Variants in UNC13D observed in about 807,000 individuals in gnomAD.
UNC13D encodes unc-13 homolog D.
UNC13D carries 115 observed loss-of-function variants against 151.7 expected under a neutral mutation model. The observed-to-expected ratio is 0.76, with a 90% CI of 0.65 to 0.88. The LOEUF is 0.88. Among genes scored for constraint, UNC13D ranks in the 40% least tolerant of loss-of-function variants. The pLI is 0.00. For synonymous variants in UNC13D, 588 were observed against 612.2 expected (o/e 0.96, Z 0.58); for missense variants, 1,369 against 1,438.7 (o/e 0.95, Z 0.78).
intron 29 of UNC13D, 81 bp downstream of exon 29, chr17:75,830,281 G>A: frequency 1.3e-6 from 2 of 1,564,328 alleles, no homozygotes; most frequent in Non-Finnish European, 1.7e-6. Flanking sequence ...CTCCTGCAGG[G>A]TGAGCGAAGC....
intron 12 of UNC13D, 88 bp from the exon 13 acceptor site, chr17:75,837,006 C>CCAGGGCCCCTGGTGGAGAA: frequency 8.3e-7 from 1 of 1,211,602 alleles, no homozygotes; most frequent in Non-Finnish European, 1.2e-6. Flanking sequence ...GGAATCGCCT[C>CCAGGGCCCCTGGTGGAGAA]CCATCCACCA....
intron 2 of UNC13D, 88 bp from the exon 3 acceptor site, chr17:75,843,354 G>A: frequency 6.3e-7 from 1 of 1,576,584 alleles, no homozygotes; most frequent in Non-Finnish European, 8.6e-7. Context: ...GGCGGCTTGT[G>A]CAGCGGAGGG....
chr17:75,838,928 A>G (rs1056429864), intron 12 of UNC13D, among the ~76,000 whole-genome samples: 33 of 151,860 alleles, frequency 2.2e-4, no homozygotes, highest in Non-Finnish European at 3.1e-4. Flanking sequence ...GTGAAACCCC[A>G]TCTCTACTAA....
chr17:75,844,257 T>C lies in UNC13D; in HGVS notation c.81A>G (p.Arg27=), dbSNP rs1164523857. 1 of 1,612,620 alleles carries C rather than the reference T, an allele frequency of 6.2e-7. No individual in the cohort carries two copies. Among genetic ancestry groups the C allele is most frequent in the East Asian group, 2.2e-5 (1 of 44,862 alleles). The change falls in exon 1 of 32, where the codon AGA becomes AGG. Residue 27 remains arginine, a synonymous_variant. Coordinates refer to ENST00000207549, the MANE Select transcript of UNC13D (RefSeq NM_199242.3). The part of the protein sequence containing the change: ...QAIKIRRRRV[R]DLQDPPPQMA... ...TTTGGGGCGGGGGATCCTGTAGATC[T>C]CTGACTCTGCGGCGCCTTATCTTGA... is the stretch of plus-strand genomic sequence containing the variant.
chr17:75,834,943 T>C lies in UNC13D; in HGVS notation c.1969A>G (p.Met657Val). ...LDWPDPEEAF[M>V]ITVKFVEDTC... is the part of the protein sequence containing the mutation. ...ACCTCCACAAACTTGACGGTAATCA[T>C]GAAGGCCTCCTCTGGGTCTGGCCAG... The change falls in exon 21 of 32, where the codon ATG (methionine) becomes GTG (valine). Residue 657 changes from methionine (M) to valine (V), a missense_variant. By Grantham distance (21) the Met-to-Val change is conservative (BLOSUM62 1). This residue lies in a region of UNC13D where 807 missense variants were observed against 795.5 expected (regional missense o/e 1.01). Coordinates refer to ENST00000207549, the MANE Select transcript of UNC13D (RefSeq NM_199242.3). The C allele has an allele frequency of 6.2e-7, 1 of 1,614,082 alleles. No homozygotes were observed. Among genetic ancestry groups the C allele is most frequent in the East Asian group, 2.2e-5 (1 of 44,880 alleles).
Position 75,836,560 on chromosome 17 carries a change from G to T in UNC13D, c.1298+12C>A. ...CCTGACCCCACCGAGGAAGAGGAAG[G>T]CAGCCACTGACCTGAGAAGAGACTG... is the stretch of plus-strand genomic sequence containing the variant. On this transcript the variant is annotated intron_variant, in intron 14 of 31. Coordinates refer to ENST00000207549, the MANE Select transcript of UNC13D (RefSeq NM_199242.3). 1 of 1,613,258 alleles carries T rather than the reference G, an allele frequency of 6.2e-7. No homozygotes were observed.
At chr17:75,829,420 C>G (rs1308202253) in intron 30 of UNC13D, among the ~76,000 whole-genome samples, 2 of 151,872 alleles carry the variant, frequency 1.3e-5, no homozygotes, top group Non-Finnish European at 2.9e-5. Flanking sequence ...CTCAGCCTCC[C>G]GAGTAGCTGG....
At chr17:75,828,656 G>T (rs1019616001) in intron 31 of UNC13D, 131 bp downstream of exon 31, 106 of 1,030,482 alleles carry the variant, frequency 1.0e-4, no homozygotes, top group Non-Finnish European at 1.4e-4. Flanking sequence ...CGAGAGATGG[G>T]CCGTGGCTGT....
intron 12 of UNC13D, 88 bp from the exon 13 acceptor site, chr17:75,837,006 C>CCCTCCTCCAGGTCCCCTGGTGGAGAA: frequency 1.7e-6 from 2 of 1,211,602 alleles, no homozygotes; most frequent in South Asian, 1.2e-5. Flanking sequence ...GGAATCGCCT[C>CCCTCCTCCAGGTCCCCTGGTGGAGAA]CCATCCACCA....
At chr17:75,836,778 G>A (rs770411730) in intron 13 of UNC13D, 23 bp downstream of exon 13, 4 of 1,613,548 alleles carry the variant, frequency 2.5e-6, no homozygotes, top group Non-Finnish European at 3.4e-6. Context: ...CCTGCTCAGT[G>A]CCCCTTGCCA....
chr17:75,834,039 G>A (rs1376383803), intron 24 of UNC13D, 36 bp downstream of exon 24: 4 of 1,611,780 alleles, frequency 2.5e-6, no homozygotes, highest in Non-Finnish European at 2.5e-6. Flanking sequence ...AGAGCTGGCA[G>A]GGTGGTGAAG....
At chr17:75,838,128 C>T (rs528899204) in intron 12 of UNC13D, among the ~76,000 whole-genome samples, 4 of 152,284 alleles carry the variant, frequency 2.6e-5, no homozygotes, top group Admixed American at 2.0e-4. Flanking sequence ...GGGCTCCCTC[C>T]GCCTCCCACT....
rs563286724 is a variant in UNC13D at position 75,830,178 on chromosome 17, C to T, written c.2831-27G>A. 3.2e-6 allele frequency: 5 copies of T among 1,580,784 alleles called. No homozygotes were observed. The East Asian group carries it at 9.3e-5, about 30-fold the overall frequency. The stretch of plus-strand genomic sequence containing the variant: ...TGGTAAGTGGCCGGGGAGTGTGCGT[C>T]AGCTGAGGGTCTCCCAGGCACCCCA... On this transcript the variant is annotated intron_variant, in intron 29 of 31. Coordinates refer to ENST00000207549, the MANE Select transcript of UNC13D (RefSeq NM_199242.3).
At position 75,827,928 on chromosome 17, in the gene UNC13D, C is replaced by T. The variant is rs1216134129; in HGVS notation, c.*37G>A. 1 of 1,603,272 alleles carries T rather than the reference C, an allele frequency of 6.2e-7. No individual in the cohort carries two copies. Among genetic ancestry groups the T allele is most frequent in the Admixed American group, 1.7e-5 (1 of 59,446 alleles). On this transcript the variant is annotated 3_prime_UTR_variant, in exon 32 of 32. Transcript: ENST00000207549. ...CCCTACAGGAAAGCCCTTGCAAGTC[C>T]CCACCGGGGACCCAGCCCCACCGCA...
chr17:75,843,364 G>A, intron 2 of UNC13D, 98 bp from the exon 3 acceptor site: 1 of 1,570,810 alleles, frequency 6.4e-7, no homozygotes, highest in Non-Finnish European at 8.6e-7. Flanking sequence ...GCAGCGGAGG[G>A]AGTTGAGACC....
At chr17:75,839,743 C>T in intron 12 of UNC13D, 96 bp downstream of exon 12, 1 of 1,332,620 alleles carries the variant, frequency 7.5e-7, no homozygotes, top group Non-Finnish European at 1.1e-6. Context: ...AAAGGGAACT[C>T]TGCTGAGAAT....
At position 75,827,897 on chromosome 17, in the gene UNC13D, C is replaced by A; in HGVS notation, c.*68G>T. The A allele has an allele frequency of 1.9e-6, 3 of 1,562,206 alleles. No homozygotes were observed. The highest frequency in any genetic ancestry group is 2.6e-6 in the Non-Finnish European group (3 of 1,158,180). On this transcript the variant is annotated 3_prime_UTR_variant, in exon 32 of 32. Transcript: ENST00000207549. The stretch of plus-strand genomic sequence containing the variant: ...GAGGGCCGCGATGTGGCGGGGAAGC[C>A]CCAGACCCTACAGGAAAGCCCTTGC...
Position 75,836,276 on chromosome 17 carries a change from G to C in UNC13D, c.1390-20C>G, listed in dbSNP as rs1215082270. 1.2e-6 allele frequency: 2 copies of C among 1,612,868 alleles called. No individual in the cohort carries two copies. The highest frequency in any genetic ancestry group is 2.7e-5 in the African/African-American group (2 of 74,926). On this transcript the variant is annotated intron_variant, in intron 15 of 31. Coordinates refer to ENST00000207549, the MANE Select transcript of UNC13D (RefSeq NM_199242.3). Reference sequence around the variant, plus strand: ...GCCAGTCTGTCGACAAAGAGGCAGTGAGCAGGGAGGGACTGCCAGGCCCAG... The same window carrying C: ...GCCAGTCTGTCGACAAAGAGGCAGTCAGCAGGGAGGGACTGCCAGGCCCAG...
At position 75,827,707 on chromosome 17, in the gene UNC13D, C is replaced by T; in HGVS notation, c.*258G>A. 6.6e-7 allele frequency: 1 copy of T among 1,519,808 alleles called. No homozygotes were observed. The highest frequency in any genetic ancestry group is 8.8e-7 in the Non-Finnish European group (1 of 1,136,210). 94.1% of individuals were successfully genotyped at this position (1,519,808 alleles called of 1,614,324 possible). On this transcript the variant is annotated 3_prime_UTR_variant, in exon 32 of 32. Transcript: ENST00000207549. ...GAGAGGCGGGCAGGGGCAGGGTTTG[C>T]TCCCCCTGGTGCTGGGATGTGGTAG...
Sources: allele counts gnomAD v4.1 joint callset (sites outside exome capture counted in the v4.1 genomes callset), GRCh38; gene constraint gnomAD v4.1.1; regional missense constraint gnomAD v4.1.1; transcripts MANE v1.5; gene names NCBI Gene and HGNC (gene_info 2026-07-23, HGNC 2026-07-21).